METTL15: variants seen among roughly 807,000 people sequenced by gnomAD.
METTL15 encodes methyltransferase 15, mitochondrial 12S rRNA N4-cytidine.
A neutral mutation model predicts 38.3 loss-of-function variants in METTL15; 34 were observed. The observed-to-expected ratio is 0.89, with a 90% CI of 0.68 to 1.18. The LOEUF (loss-of-function observed/expected upper bound fraction) is 1.18, where lower values mean the gene tolerates loss of function less well. METTL15 is among the 50% of genes most tolerant of loss of function. The probability of loss-of-function intolerance (pLI) is 0.00; values close to 1 mark genes in which losing one functional copy is unlikely to be tolerated. For synonymous variants in METTL15, 162 were observed against 170.9 expected (o/e 0.95, Z 0.41); for missense variants, 438 against 498.4 (o/e 0.88, Z 1.15).
chr11:28,113,435 A>G lies in METTL15; in HGVS notation c.101A>G (p.His34Arg), dbSNP rs774577814. The change falls in exon 3 of 7, where the codon CAT (histidine) becomes CGT (arginine). Residue 34 changes from histidine (H) to arginine (R), a missense_variant. Transcript: ENST00000407364. ...PNLGVWPNRI[H>R]TTAEKYREYE... ...TTAGGTGTCTGGCCAAACAGAATAC[A>G]TACTACAGCAGAAAAATATAGAGAA... The G allele has an allele frequency of 5.6e-6, 9 of 1,608,686 alleles. No homozygotes were observed. The highest frequency in any genetic ancestry group is 1.1e-5 in the South Asian group (1 of 90,612).
At chr11:28,217,939 C>T (rs1852978877) in intron 4 of METTL15, among the ~76,000 whole-genome samples, 1 of 152,078 alleles carries the variant, frequency 6.6e-6, no homozygotes, top group Admixed American at 6.6e-5. Context: ...GGTACCAGTA[C>T]CATGCTGTTT....
In METTL15 at chr11:28,430,434, C is replaced by T. The variant is rs1226238823; in HGVS notation, c.*424+6070C>T. On this transcript the variant is annotated intron_variant and NMD_transcript_variant, in intron 6 of 7. Transcript: ENST00000532947. Reference sequence around the variant, plus strand: ...CCGGGAGGTGAGGGGCGCCTCTGCCCGGCCGCCCCTACTGGGAAGTGAGGA... The same window carrying T: ...CCGGGAGGTGAGGGGCGCCTCTGCCTGGCCGCCCCTACTGGGAAGTGAGGA... Among the ~76,000 whole-genome samples, 17 of 61,844 alleles carry T rather than the reference C, an allele frequency of 2.7e-4. No individual in the cohort carries two copies. The South Asian group carries it at 9.4e-3, about 34-fold the overall frequency. 40.6% of individuals were successfully genotyped at this position (61,844 alleles called of 152,430 possible).
At chr11:28,203,896 A>G (rs1042173876) in intron 3 of METTL15, among the ~76,000 whole-genome samples, 4 of 152,192 alleles carry the variant, frequency 2.6e-5, no homozygotes, top group African/African-American at 4.8e-5. Flanking sequence ...GGAGAGATCT[A>G]TTCATTAATG....
At chr11:28,417,023 T>A (rs1288189300) in intron 5 of METTL15, among the ~76,000 whole-genome samples, 1 of 152,216 alleles carries the variant, frequency 6.6e-6, no homozygotes, top group African/African-American at 2.4e-5. Context: ...ATGCCTTCTG[T>A]AATAAAACCA....
chr11:28,387,270 T>C (rs1250040775), intron 5 of METTL15, among the ~76,000 whole-genome samples: 1 of 151,794 alleles, frequency 6.6e-6, no homozygotes, highest in Non-Finnish European at 1.5e-5. Context: ...AACTGAGTGC[T>C]GTTTTGTTGA....
intron 3 of METTL15, among the ~76,000 whole-genome samples, chr11:28,143,746 A>G (rs1849781658): frequency 6.6e-6 from 1 of 152,182 alleles, no homozygotes; most frequent in African/African-American, 2.4e-5. Flanking sequence ...TCAGCATGTA[A>G]GTAAAAACTA....
At chr11:28,313,810 C>T (rs1386336705) in intron 6 of METTL15, among the ~76,000 whole-genome samples, 4 of 151,750 alleles carry the variant, frequency 2.6e-5, no homozygotes. Flanking sequence ...TTATTAAAAG[C>T]TATATAATAA....
rs188098216 is a variant in METTL15 at position 28,330,498 on chromosome 11, A to G, written c.881A>G (p.Asn294Ser). The change falls in exon 7 of 7, where the codon AAT becomes AGT. Residue 294 changes from asparagine (N) to serine (S), a missense_variant. Transcript: ENST00000407364. ...TFQALRIFVN[N>S]ELNELYTGLK... ...CAGGCTCTTCGCATATTTGTGAACAATGAGCTCAATGAACTCTACACGGGA... is the reference window on the plus strand; with the variant it reads ...CAGGCTCTTCGCATATTTGTGAACAGTGAGCTCAATGAACTCTACACGGGA... The G allele has an allele frequency of 8.6e-4, 1,334 of 1,551,668 alleles. 2 individuals are homozygous for G. Among genetic ancestry groups the G allele is most frequent in the Non-Finnish European group, 1.0e-3 (1,203 of 1,146,958 alleles).
At chr11:28,215,677 G>A (rs1224142135) in intron 4 of METTL15, among the ~76,000 whole-genome samples, 2 of 152,050 alleles carry the variant, frequency 1.3e-5, no homozygotes, top group African/African-American at 4.8e-5. Context: ...TTTTTGAAGG[G>A]CATACAAGAA....
At position 28,340,633 on chromosome 11, in the gene METTL15, C is replaced by T. The variant is rs567252958; in HGVS notation, c.*190-11457C>T. Among the ~76,000 whole-genome samples the T allele has an allele frequency of 3.5e-4, 53 of 152,258 alleles. 1 individual carries two copies. The highest frequency in any genetic ancestry group is 1.1e-3 in the African/African-American group (47 of 41,552). On this transcript the variant is annotated intron_variant and NMD_transcript_variant, in intron 3 of 7. Transcript: ENST00000532947. ...AAGACCACAATGAGATACCATCTCA[C>T]GCCAGCTAGAATGGTGATCATTAAA...
intron 3 of METTL15, among the ~76,000 whole-genome samples, chr11:28,164,473 T>C (rs1850585120): frequency 6.6e-6 from 1 of 152,042 alleles, no homozygotes. Context: ...CCCCCATATT[T>C]AGCCATACAT....
At chr11:28,386,519 A>G (rs770941708) in intron 5 of METTL15, among the ~76,000 whole-genome samples, 9 of 152,158 alleles carry the variant, frequency 5.9e-5, no homozygotes, top group East Asian at 1.9e-4. Context: ...TCAATTCACC[A>G]AGAAGATATA....
At chr11:28,239,711 C>T (rs1025507103) in intron 4 of METTL15, among the ~76,000 whole-genome samples, 8 of 152,194 alleles carry the variant, frequency 5.3e-5, no homozygotes, top group Admixed American at 2.6e-4. Flanking sequence ...CAAGCCATTT[C>T]CTCTTCCCAG....
chr11:28,384,716 A>G (rs1850422982), intron 5 of METTL15, among the ~76,000 whole-genome samples: 2 of 152,144 alleles, frequency 1.3e-5, no homozygotes, highest in African/African-American at 4.8e-5. Context: ...AGGAGTTGCC[A>G]CACTGATTTC....
At chr11:28,314,385 GCA>G (rs1396745098) in intron 6 of METTL15, among the ~76,000 whole-genome samples, 1 of 152,190 alleles carries the variant, frequency 6.6e-6, no homozygotes, top group Non-Finnish European at 1.5e-5. Flanking sequence ...GAAAAAGGCA[GCA>G]CTGTTAATCA....
chr11:28,465,036 T>C (rs936638575), intron 6 of METTL15, among the ~76,000 whole-genome samples: 7 of 152,220 alleles, frequency 4.6e-5, no homozygotes, highest in African/African-American at 1.7e-4. Context: ...TTTAGTATGA[T>C]CTGGATCCTA....
At chr11:28,491,418 T>G (rs1399875302) in intron 6 of METTL15, among the ~76,000 whole-genome samples, 1 of 152,116 alleles carries the variant, frequency 6.6e-6, no homozygotes, top group Non-Finnish European at 1.5e-5. Context: ...GGACCCTCAC[T>G]CATTCTTATA....
chr11:28,331,061 A>G lies in METTL15; in HGVS notation c.*220A>G, dbSNP rs896528663. ...CACCTCCAGACTGGAAAAATATGTT[A>G]ATCTTTGCATCATATTGGACTCTTG... On this transcript the variant is annotated 3_prime_UTR_variant, in exon 7 of 7. Coordinates refer to ENST00000407364, the MANE Select transcript of METTL15 (RefSeq NM_001113528.2). 3.2e-4 allele frequency: 108 copies of G among 340,058 alleles called. No homozygotes were observed. Among genetic ancestry groups the G allele is most frequent in the Admixed American group, 1.5e-4 (3 of 19,984 alleles). The allele number at this position is 340,058 out of a possible 1,614,324, so 21.1% of individuals were successfully genotyped here.
rs58107766 is a variant in METTL15 at position 28,136,555 on chromosome 11, A to C, written c.270+22951A>C. Among the ~76,000 whole-genome samples the C allele has an allele frequency of 3.1e-3, 466 of 152,290 alleles. 4 individuals carry two copies. The highest frequency in any genetic ancestry group is 0.011 in the African/African-American group (455 of 41,564). ...ACATGTGGTTTACAATAACATAATAACCTTAATTATGATTGATAGCATATA... is the reference window on the plus strand; with the variant it reads ...ACATGTGGTTTACAATAACATAATACCCTTAATTATGATTGATAGCATATA... On this transcript the variant is annotated intron_variant, in intron 3 of 6. Coordinates refer to ENST00000407364, the MANE Select transcript of METTL15 (RefSeq NM_001113528.2).
Sources: gnomAD v4.1 joint callset for allele counts (sites outside exome capture counted in the v4.1 genomes callset) on GRCh38, gnomAD v4.1.1 for gene constraint, MANE v1.5 for transcripts, NCBI Gene and HGNC (gene_info 2026-07-23, HGNC 2026-07-21) for gene names.